Variants in TCEA2 observed in about 807,000 individuals in gnomAD.
TCEA2 encodes the protein transcription elongation factor A2.
TCEA2 carries 21 observed loss-of-function variants against 40.8 expected under a neutral mutation model. That is an observed-to-expected ratio of 0.51 (90% CI 0.36 to 0.74). TCEA2 has a LOEUF of 0.74. Among genes scored for constraint, TCEA2 ranks in the 30% least tolerant of loss-of-function variants. The probability of loss-of-function intolerance (pLI) is 0.00; values close to 1 mark genes in which losing one functional copy is unlikely to be tolerated. For missense variants in TCEA2, 326 were observed against 426.5 expected, an observed-to-expected ratio of 0.76 and a Z score of 2.08; for synonymous variants, 165 against 162.7, an observed-to-expected ratio of 1.01 and a Z score of -0.11.
At chr20:64,070,450 C>T (rs2059802692) in intron 7 of TCEA2, 36 bp downstream of exon 7, 1 of 1,613,788 alleles carries the variant, frequency 6.2e-7, no homozygotes, top group Admixed American at 1.7e-5. Context: ...GGGCTGCTCC[C>T]TCGGAGCGGT....
In TCEA2 at chr20:64,070,269, G is replaced by A. The variant is rs1251251621; in HGVS notation, c.527G>A (p.Arg176Gln). ...LSAQIEECIF[R>Q]DVGNTDMKYK... ...CTTAAAACACTTGCACGCATCTTCC[G>A]GGACGTTGGAAACACAGACATGAAG... Residue 176 changes from arginine (R) to glutamine (Q), a missense_variant, in exon 7 of 10, where the codon CGG (arginine) becomes CAG (glutamine). Coordinates refer to ENST00000343484, the MANE Select transcript of TCEA2 (RefSeq NM_003195.6). The A allele has an allele frequency of 3.7e-6, 6 of 1,614,054 alleles. No individual in the cohort carries two copies. Among genetic ancestry groups the A allele is most frequent in the African/African-American group, 1.3e-5 (1 of 74,946 alleles).
intron 4 of TCEA2, among the ~76,000 whole-genome samples, chr20:64,068,789 G>A (rs564126582): frequency 3.5e-4 from 54 of 152,386 alleles, no homozygotes; most frequent in African/African-American, 1.3e-3. Context: ...GGAGGGCTAG[G>A]TGGATGCAGC....
rs780980629 is a variant in TCEA2 at position 64,069,400 on chromosome 20, G to A, written c.369G>A (p.Pro123=). The stretch of plus-strand genomic sequence containing the variant: ...AGCTGCCCAGGGCACCGTCGACTCC[G>A]AGGATCACCACATTTCCTCCGGTGC... The part of the protein sequence containing the change: ...RPELPRAPST[P]RITTFPPVPV... Residue 123 remains proline (P), a synonymous_variant, in exon 5 of 10, where the codon CCG becomes CCA. Transcript: ENST00000343484. The A allele has an allele frequency of 3.0e-5, 48 of 1,610,570 alleles. No homozygotes were observed. The highest frequency in any genetic ancestry group is 8.0e-5 in the African/African-American group (6 of 74,906).
At chr20:64,066,817 G>A (rs377678130) in intron 2 of TCEA2, 98 bp from the exon 3 acceptor site, 40 of 1,238,254 alleles carry the variant, frequency 3.2e-5, no homozygotes, top group Middle Eastern at 3.9e-4. Flanking sequence ...GGGAGGTCCC[G>A]GGCTCCTGTC....
rs139958016 is a variant in TCEA2 at position 64,070,825 on chromosome 20, G to A, written c.819+190G>A. Among the ~76,000 whole-genome samples, 282 of 152,358 alleles carry A rather than the reference G, an allele frequency of 1.9e-3. 4 individuals carry two copies. The highest frequency in any genetic ancestry group is 6.6e-3 in the African/African-American group (274 of 41,582). ...TCTACCCAGGACCTCTGGGCTCCACGGGGCGGCGTCTTGGGTGGTGGGACC... is the reference window on the plus strand; with the variant it reads ...TCTACCCAGGACCTCTGGGCTCCACAGGGCGGCGTCTTGGGTGGTGGGACC... On this transcript the variant is annotated intron_variant, in intron 8 of 9. Coordinates refer to ENST00000343484, the MANE Select transcript of TCEA2 (RefSeq NM_003195.6).
At chr20:64,064,513 T>A (rs974423159) in intron 1 of TCEA2, among the ~76,000 whole-genome samples, 15 of 152,146 alleles carry the variant, frequency 9.9e-5, no homozygotes, top group African/African-American at 3.6e-4. Flanking sequence ...GACCTGTGCT[T>A]TCCCACCCAG....
upstream of TCEA2, among the ~76,000 whole-genome samples, chr20:64,060,546 C>T (rs1373783393): frequency 1.3e-5 from 2 of 152,196 alleles, no homozygotes; most frequent in Non-Finnish European, 2.9e-5. Flanking sequence ...CTAGCCTCCC[C>T]TCGTGCCTCT....
At position 64,066,460 on chromosome 20, in the gene TCEA2, C is replaced by T. The variant is rs537340435; in HGVS notation, c.73-16C>T. ...AGATCTAAAGTCCTTTATGAAGGTCCTCCTTCTCCTTCCAGGAGGGAGCCA... is the reference window on the plus strand; with the variant it reads ...AGATCTAAAGTCCTTTATGAAGGTCTTCCTTCTCCTTCCAGGAGGGAGCCA... On this transcript the variant is annotated splice_polypyrimidine_tract_variant and intron_variant, in intron 1 of 9. Transcript: ENST00000343484. The T allele has an allele frequency of 6.2e-7, 1 of 1,613,182 alleles. No individual in the cohort carries two copies. Among genetic ancestry groups the T allele is most frequent in the East Asian group, 2.2e-5 (1 of 44,862 alleles).
intron 1 of TCEA2, among the ~76,000 whole-genome samples, chr20:64,064,706 G>A (rs1395662952): frequency 1.3e-5 from 2 of 152,134 alleles, no homozygotes; most frequent in African/African-American, 2.4e-5. Context: ...TGTGACCAGC[G>A]TTCTGGACTG....
upstream of TCEA2, among the ~76,000 whole-genome samples, chr20:64,061,912 A>T (rs1174615793): frequency 6.6e-5 from 10 of 151,712 alleles, no homozygotes; most frequent in African/African-American, 2.2e-4. Context: ...TATTCTTTGT[A>T]GAGACGGGGT....
chr20:64,066,501 A>T lies in TCEA2; in HGVS notation c.98A>T (p.Glu33Val). The change falls in exon 2 of 10, where the codon GAG becomes GTG. Residue 33 changes from glutamate (E) to valine (V), a missense_variant. Glu to Val is a moderately radical substitution (Grantham distance 121). Coordinates refer to ENST00000343484, the MANE Select transcript of TCEA2 (RefSeq NM_003195.6). ...GAGGGAGCCATGGATTTGCTGCGGGAGCTGAAGGCCATGCCTATCACGCTG... is the reference window on the plus strand; with the variant it reads ...GAGGGAGCCATGGATTTGCTGCGGGTGCTGAAGGCCATGCCTATCACGCTG... ...SAEGAMDLLR[E>V]LKAMPITLHL... is the part of the protein sequence containing the mutation. The T allele has an allele frequency of 6.2e-7, 1 of 1,613,744 alleles. No homozygotes were observed. Among genetic ancestry groups the T allele is most frequent in the Non-Finnish European group, 8.5e-7 (1 of 1,179,860 alleles).
chr20:64,059,611 A>G (rs1179070850), upstream of TCEA2, among the ~76,000 whole-genome samples: 7 of 152,012 alleles, frequency 4.6e-5, no homozygotes, highest in South Asian at 2.1e-4. Context: ...ATCTGCACAC[A>G]GGTATCACAG....
intron 3 of TCEA2, among the ~76,000 whole-genome samples, chr20:64,067,640 A>C (rs999721373): frequency 6.6e-6 from 1 of 152,198 alleles, no homozygotes; most frequent in Non-Finnish European, 1.5e-5. Flanking sequence ...CAGGCTGTGC[A>C]TGGCACAAGC....
In TCEA2 at chr20:64,068,098, C is replaced by T. The variant is rs745794140; in HGVS notation, c.293C>T (p.Thr98Met). The part of the protein sequence containing the change: ...RERGRGMPLP[T>M]SSRDASEAPD... ...CGGGGGAGGGGCATGCCTCTGCCCA[C>T]GTCCTCGAGGGATGCCTCAGAGGCC... The change falls in exon 4 of 10, where the codon ACG becomes ATG. Residue 98 changes from threonine (T) to methionine (M), a missense_variant. Physicochemically the swap from Thr to Met is moderately conservative, Grantham distance 81. Transcript: ENST00000343484. The T allele has an allele frequency of 2.7e-5, 44 of 1,609,682 alleles. No individual in the cohort carries two copies. Among genetic ancestry groups the T allele is most frequent in the African/African-American group, 1.1e-4 (8 of 74,842 alleles).
intron 2 of TCEA2, 56 bp downstream of exon 2, chr20:64,066,594 G>A: frequency 6.3e-7 from 1 of 1,590,908 alleles, no homozygotes; most frequent in South Asian, 1.1e-5. Context: ...CCCAGGGGAT[G>A]GCAGTTCTGA....
rs1200145621 is a variant in TCEA2 at position 64,063,278 on chromosome 20, G to A, written c.-35G>A. 2 of 1,509,868 alleles carry A rather than the reference G, an allele frequency of 1.3e-6. No homozygotes were observed. Among genetic ancestry groups the A allele is most frequent in the African/African-American group, 2.9e-5 (2 of 68,964 alleles). The allele number at this position is 1,509,868 out of a possible 1,614,324, so 93.5% of individuals were successfully genotyped here. A position where few individuals can be genotyped will look rare whatever the true frequency, so the allele number is the denominator to read the frequency against. ...GGGTCCTGCCCGGCTGCGGAGGCGG[G>A]CGCGACGGGCGCGGGGGTCGCTGCT... On this transcript the variant is annotated 5_prime_UTR_variant, in exon 1 of 10. Coordinates refer to ENST00000343484, the MANE Select transcript of TCEA2 (RefSeq NM_003195.6).
chr20:64,069,216 C>G, intron 4 of TCEA2, 145 bp from the exon 5 acceptor site: 1 of 1,270,612 alleles, frequency 7.9e-7, no homozygotes, highest in South Asian at 1.5e-5. Flanking sequence ...GGCAGGGCCA[C>G]AGGCCACTGT....
chr20:64,070,259 C>T lies in TCEA2; in HGVS notation c.518-1C>T, dbSNP rs2059798436. 8 of 1,613,934 alleles carry T rather than the reference C, an allele frequency of 5.0e-6. No individual in the cohort carries two copies. Among genetic ancestry groups the T allele is most frequent in the Admixed American group, 1.7e-5 (1 of 59,992 alleles). On this transcript the variant is annotated splice_acceptor_variant, in intron 6 of 9. Transcript: ENST00000343484. LOFTEE classifies it high-confidence loss of function. ...CAGGTGGGTCCTTAAAACACTTGCACGCATCTTCCGGGACGTTGGAAACAC... is the reference window on the plus strand; with the variant it reads ...CAGGTGGGTCCTTAAAACACTTGCATGCATCTTCCGGGACGTTGGAAACAC...
rs1011382009 is a variant in TCEA2 at position 64,063,590 on chromosome 20, C to T, written c.72+206C>T. The T allele has an allele frequency of 6.6e-6, 4 of 609,786 alleles. No individual in the cohort carries two copies. The East Asian group carries it at 1.2e-4, about 18-fold the overall frequency. 37.8% of individuals were successfully genotyped at this position (609,786 alleles called of 1,614,324 possible). On this transcript the variant is annotated intron_variant, in intron 1 of 9. Coordinates refer to ENST00000343484, the MANE Select transcript of TCEA2 (RefSeq NM_003195.6). ...AGCCCTGCCGTTCACTCCCGCAACC[C>T]CGGCAGAGGCCGCGATCAGGCCTGG... is the stretch of plus-strand genomic sequence containing the variant.
Sources: allele counts gnomAD v4.1 joint callset (sites outside exome capture counted in the v4.1 genomes callset), GRCh38; gene constraint gnomAD v4.1.1; transcripts MANE v1.5; gene names NCBI Gene and HGNC (gene_info 2026-07-23, HGNC 2026-07-21).